The following VEPH1 variants were observed in gnomAD, a reference collection of about 807,000 sequenced individuals.
VEPH1 encodes the protein ventricular zone expressed PH domain containing 1.
VEPH1 carries 80 observed loss-of-function variants against 85.2 expected under a neutral mutation model. That is an observed-to-expected ratio of 0.94 (90% confidence interval 0.78 to 1.13). The LOEUF is 1.13. Ranked by LOEUF, VEPH1 falls within the 50% of genes most tolerant of loss-of-function variation. The pLI is 0.00. For missense variants in VEPH1, 955 were observed against 980.5 expected (o/e 0.97, Z 0.35); for synonymous variants, 297 against 348.0 (o/e 0.85, Z 1.63).
intron 9 of VEPH1, among the ~76,000 whole-genome samples, chr3:157,363,108 T>C (rs1726226201): frequency 6.6e-6 from 1 of 150,490 alleles, no homozygotes; most frequent in Admixed American, 6.7e-5. Flanking sequence ...CCAGAAATAA[T>C]ATATCTTGAG....
intron 4 of VEPH1, among the ~76,000 whole-genome samples, chr3:157,434,374 T>C (rs1044938103): frequency 1.3e-5 from 2 of 152,180 alleles, no homozygotes; most frequent in Non-Finnish European, 2.9e-5. Flanking sequence ...CGCAGTGGTG[T>C]GATCACAGCT....
chr3:157,436,778 A>G (rs1027467917), intron 4 of VEPH1: 7 of 540,142 alleles, frequency 1.3e-5, no homozygotes, highest in Non-Finnish European at 1.9e-5. Flanking sequence ...CCGCAGTGCC[A>G]CCAGCATTAC....
chr3:157,338,358 C>T (rs1156450858), intron 9 of VEPH1, among the ~76,000 whole-genome samples: 2 of 152,172 alleles, frequency 1.3e-5, no homozygotes, highest in Admixed American at 1.3e-4. Context: ...GGACTGACTC[C>T]TGCACTTCTC....
chr3:157,290,405 G>T (rs892332023), intron 11 of VEPH1, among the ~76,000 whole-genome samples: 1 of 152,144 alleles, frequency 6.6e-6, no homozygotes, highest in African/African-American at 2.4e-5. Context: ...TGACACTCTG[G>T]TACTGTGAGA....
At chr3:157,397,627 G>T (rs35218020) in intron 6 of VEPH1, among the ~76,000 whole-genome samples, 1 of 151,804 alleles carries the variant, frequency 6.6e-6, no homozygotes, top group African/African-American at 2.4e-5. Flanking sequence ...CTTTGAAGAG[G>T]GCCTTCACTT....
chr3:157,443,994 T>C (rs1028190669), intron 4 of VEPH1, among the ~76,000 whole-genome samples: 3 of 152,210 alleles, frequency 2.0e-5, no homozygotes, highest in Admixed American at 2.0e-4. Flanking sequence ...AGGAATGTTA[T>C]TTGGGAGACC....
chr3:157,445,983 A>G, intron 4 of VEPH1, among the ~76,000 whole-genome samples: 1 of 152,226 alleles, frequency 6.6e-6, no homozygotes, highest in East Asian at 1.9e-4. Flanking sequence ...TAGCAAAAGG[A>G]GGAAATAAGA....
intron 4 of VEPH1, chr3:157,442,631 G>A (rs775876046): frequency 1.2e-5 from 19 of 1,614,236 alleles, no homozygotes; most frequent in Non-Finnish European, 1.6e-5. Flanking sequence ...CCCTGGGAAG[G>A]TGGACCCACC....
chr3:157,321,797 C>T (rs1263569732), intron 9 of VEPH1, among the ~76,000 whole-genome samples: 1 of 151,708 alleles, frequency 6.6e-6, no homozygotes, highest in South Asian at 2.1e-4. Context: ...AACAAACAAA[C>T]AAAAAAAGCT....
chr3:157,438,035 GCGCACA>G (rs1459350875), intron 4 of VEPH1: 75 of 701,944 alleles, frequency 1.1e-4, no homozygotes, highest in African/African-American at 1.0e-3. Flanking sequence ...GCGCGCGCGC[GCGCACA>G]CACACACACA....
chr3:157,282,930 A>G (rs916022973), intron 12 of VEPH1, among the ~76,000 whole-genome samples: 2 of 152,210 alleles, frequency 1.3e-5, no homozygotes, highest in African/African-American at 4.8e-5. Context: ...TATTTCAGAA[A>G]TTTTCTAATC....
At chr3:157,474,917 CAT>C (rs1202408611) in intron 2 of VEPH1, among the ~76,000 whole-genome samples, 1 of 151,512 alleles carries the variant, frequency 6.6e-6, no homozygotes, top group Non-Finnish European at 1.5e-5. Context: ...GAATTATTCA[CAT>C]GTGTTTTATA....
At chr3:157,418,847 A>C (rs1411236997) in intron 5 of VEPH1, among the ~76,000 whole-genome samples, 3 of 152,248 alleles carry the variant, frequency 2.0e-5, no homozygotes, top group African/African-American at 7.2e-5. Flanking sequence ...AGTCATTTGG[A>C]ACCAAAGAAG....
chr3:157,438,209 CGT>C (rs1420512484), intron 4 of VEPH1, among the ~76,000 whole-genome samples: 1 of 152,034 alleles, frequency 6.6e-6, no homozygotes, highest in Non-Finnish European at 1.5e-5. Context: ...TTGAAATAGA[CGT>C]CTAGGGCCCC....
intron 7 of VEPH1, among the ~76,000 whole-genome samples, chr3:157,370,894 A>C (rs892624368): frequency 2.0e-5 from 3 of 152,258 alleles, no homozygotes; most frequent in African/African-American, 7.2e-5. Context: ...GTGATGCTAT[A>C]AAACTCTTAA....
chr3:157,391,523 CCAGCGG>C (rs2108921056), intron 6 of VEPH1, among the ~76,000 whole-genome samples: 1 of 152,296 alleles, frequency 6.6e-6, no homozygotes, highest in South Asian at 2.1e-4. Context: ...TCAGCCATTA[CCAGCGG>C]CATGGCTGCA....
chr3:157,331,074 A>G (rs972748466), intron 9 of VEPH1, among the ~76,000 whole-genome samples: 4 of 152,180 alleles, frequency 2.6e-5, no homozygotes, highest in Non-Finnish European at 5.9e-5. Context: ...TGGATGAAAC[A>G]TGACTTGCAG....
chr3:157,448,176 G>T (rs985152031), intron 4 of VEPH1, among the ~76,000 whole-genome samples: 54 of 151,902 alleles, frequency 3.6e-4, no homozygotes, highest in Non-Finnish European at 7.4e-4. Flanking sequence ...TTTGAAATTT[G>T]TCTCACACAG....
intron 11 of VEPH1, among the ~76,000 whole-genome samples, chr3:157,292,338 T>G (rs950773678): frequency 1.3e-5 from 2 of 152,108 alleles, no homozygotes; most frequent in Non-Finnish European, 2.9e-5. Flanking sequence ...TGTCCACTGA[T>G]TGGTATTTGA....
Sources: gnomAD v4.1 joint callset for allele counts (sites outside exome capture counted in the v4.1 genomes callset) on GRCh38, gnomAD v4.1.1 for gene constraint, MANE v1.5 for transcripts, NCBI Gene and HGNC (gene_info 2026-07-23, HGNC 2026-07-21) for gene names.